The following SCARA3 variants were observed in gnomAD, a reference collection of about 807,000 sequenced individuals.
SCARA3 encodes cellular stress response gene protein.
SCARA3 carries 39 observed loss-of-function variants against 47.0 expected under a neutral mutation model. The observed-to-expected ratio is 0.83, with a 90% CI of 0.64 to 1.08. The LOEUF (loss-of-function observed/expected upper bound fraction) is 1.08, where lower values mean the gene tolerates loss of function less well. Ranked by LOEUF, SCARA3 falls within the 50% of genes least tolerant of loss-of-function variation. The pLI, the probability that SCARA3 is intolerant of heterozygous loss-of-function variation, is 0.00. For missense variants in SCARA3, 724 were observed against 792.3 expected (o/e 0.91, Z 1.04); for synonymous variants, 356 against 334.1 (o/e 1.07, Z -0.71).
intron 1 of SCARA3, among the ~76,000 whole-genome samples, chr8:27,647,074 C>G (rs1048100798): frequency 6.6e-6 from 1 of 151,074 alleles, no homozygotes; most frequent in Non-Finnish European, 1.5e-5. Context: ...TTGCCACTGC[C>G]CAGCTCTATG....
At chr8:27,731,382 G>A in the SCARA3 span, among the ~76,000 whole-genome samples, 2 of 151,926 alleles carry the variant, frequency 1.3e-5, no homozygotes, top group Non-Finnish European at 2.9e-5. Flanking sequence ...ATAGGATTGA[G>A]CCACTGCACT....
chr8:27,710,245 AAAAAG>A, the SCARA3 span, among the ~76,000 whole-genome samples: 1 of 152,010 alleles, frequency 6.6e-6, no homozygotes, highest in Non-Finnish European at 1.5e-5. Flanking sequence ...AAAAAAAAAA[AAAAAG>A]GAGAGATTTC....
At chr8:27,707,500 A>G in the SCARA3 span, among the ~76,000 whole-genome samples, 1 of 151,760 alleles carries the variant, frequency 6.6e-6, no homozygotes, top group Non-Finnish European at 1.5e-5. Context: ...CATTCAACAG[A>G]AAGGCCAGAA....
chr8:27,658,347 C>A lies in SCARA3; in HGVS notation c.326-149C>A, dbSNP rs1801787385. On this transcript the variant is annotated intron_variant, in intron 4 of 5. Transcript: ENST00000301904. ...TTCCATAGAGGTGGCAAGGCTTTTTCAAGAAGGAATTCATAACAGGACTTC... is the reference window on the plus strand; with the variant it reads ...TTCCATAGAGGTGGCAAGGCTTTTTAAAGAAGGAATTCATAACAGGACTTC... The A allele has an allele frequency of 7.4e-6, 5 of 679,616 alleles. No individual in the cohort carries two copies. In the South Asian group the frequency reaches 1.2e-4, roughly 16 times the overall value. The allele number at this position is 679,616 out of a possible 1,614,324, so 42.1% of individuals were successfully genotyped here.
chr8:27,679,375 A>T (rs148182080), downstream of SCARA3, among the ~76,000 whole-genome samples: 22 of 152,358 alleles, frequency 1.4e-4, no homozygotes, highest in East Asian at 4.0e-3. Context: ...AATGAGCAGT[A>T]ACAGTAGCAC....
chr8:27,682,368 C>A, the SCARA3 span, among the ~76,000 whole-genome samples: 1 of 152,008 alleles, frequency 6.6e-6, no homozygotes. Flanking sequence ...ACAAAGTTTT[C>A]TTAGCTAAAA....
the SCARA3 span, among the ~76,000 whole-genome samples, chr8:27,704,022 G>A: frequency 1.3e-5 from 2 of 151,812 alleles, no homozygotes; most frequent in African/African-American, 4.8e-5. Flanking sequence ...ATTAGCTTAA[G>A]GGGAGAGAGG....
intron 3 of SCARA3, among the ~76,000 whole-genome samples, chr8:27,654,253 A>T (rs1801695321): frequency 6.6e-6 from 1 of 152,188 alleles, no homozygotes; most frequent in Non-Finnish European, 1.5e-5. Flanking sequence ...TTGTTTGAAA[A>T]ATTTTTAAAT....
intron 1 of SCARA3, among the ~76,000 whole-genome samples, chr8:27,637,667 AG>A (rs984172938): frequency 5.3e-5 from 8 of 152,034 alleles, no homozygotes; most frequent in Non-Finnish European, 1.2e-4. Flanking sequence ...TGCGGTGGCC[AG>A]GGCAGGGGGC....
chr8:27,670,140 TG>T (rs771385041), intron 5 of SCARA3, among the ~76,000 whole-genome samples: 9 of 152,204 alleles, frequency 5.9e-5, no homozygotes, highest in Non-Finnish European at 8.8e-5. Context: ...GGAGGGTCCA[TG>T]GCTGCTTGGT....
intron 1 of SCARA3, 133 bp from the exon 2 acceptor site, chr8:27,649,566 TACA>T: frequency 1.3e-6 from 1 of 793,524 alleles, no homozygotes; most frequent in Admixed American, 2.1e-5. Flanking sequence ...TTTTGCAGCT[TACA>T]TCAGGCCACC....
At chr8:27,647,172 TG>T (rs1334479051) in intron 1 of SCARA3, among the ~76,000 whole-genome samples, 1 of 152,066 alleles carries the variant, frequency 6.6e-6, no homozygotes, top group Non-Finnish European at 1.5e-5. Context: ...CGTGCACACA[TG>T]TGCAAGCACA....
At chr8:27,685,718 A>G in the SCARA3 span, among the ~76,000 whole-genome samples, 1 of 152,198 alleles carries the variant, frequency 6.6e-6, no homozygotes, top group Non-Finnish European at 1.5e-5. Context: ...AGTACACAAC[A>G]CCACCTATGA....
chr8:27,717,432 C>T, the SCARA3 span, among the ~76,000 whole-genome samples: 1 of 152,200 alleles, frequency 6.6e-6, no homozygotes, highest in African/African-American at 2.4e-5. Flanking sequence ...GGGGCCCAGA[C>T]TTCTCAATGT....
At chr8:27,729,727 G>T in the SCARA3 span, among the ~76,000 whole-genome samples, 58 of 152,246 alleles carry the variant, frequency 3.8e-4, no homozygotes, top group Non-Finnish European at 7.5e-4. Context: ...GGAGGCGAAA[G>T]TTACAGTGAG....
rs1228626542 is a variant in SCARA3 at position 27,649,745 on chromosome 8, AGAGGACCTGGCGGGTGACGAC to A, written c.58_78del (p.Leu20_Asp26del). ...ATGGAGATGCCTTGTGCGTTACAGA[AGAGGACCTGGCGGGTGACGAC>A]GAGGACATGCCGACCTTCCCATGCA... is the stretch of plus-strand genomic sequence containing the variant. On this transcript the variant is annotated inframe_deletion, in exon 2 of 6. Transcript: ENST00000301904. 1 of 1,614,046 alleles carries A rather than the reference AGAGGACCTGGCGGGTGACGAC, an allele frequency of 6.2e-7. No homozygotes were observed. The highest frequency in any genetic ancestry group is 1.3e-5 in the African/African-American group (1 of 74,934).
chr8:27,662,432 G>A (rs1156364916), intron 5 of SCARA3, among the ~76,000 whole-genome samples: 1 of 152,234 alleles, frequency 6.6e-6, no homozygotes, highest in East Asian at 1.9e-4. Flanking sequence ...TGAATTCCAT[G>A]CCACATTGCC....
chr8:27,676,441 G>A (rs899666975), downstream of SCARA3: 3 of 926,720 alleles, frequency 3.2e-6, no homozygotes, highest in Non-Finnish European at 4.9e-6. Flanking sequence ...CCTCAGCCAG[G>A]CCCCCGACTT....
intron 3 of SCARA3, among the ~76,000 whole-genome samples, chr8:27,652,202 AC>A (rs1041800367): frequency 3.4e-4 from 52 of 152,204 alleles, no homozygotes; most frequent in Admixed American, 2.8e-3. Flanking sequence ...TGCAGGTGAG[AC>A]CCAGGGATCT....
Sources: gnomAD v4.1 joint callset for allele counts (sites outside exome capture counted in the v4.1 genomes callset) on GRCh38, gnomAD v4.1.1 for gene constraint, MANE v1.5 for transcripts, NCBI Gene and HGNC (gene_info 2026-07-23, HGNC 2026-07-21) for gene names.